UBAP1: variants seen among roughly 807,000 people sequenced by gnomAD.
UBAP1 encodes the protein ubiquitin associated protein 1.
UBAP1 carries 5 observed loss-of-function variants against 39.0 expected under a neutral mutation model. That is an observed-to-expected ratio of 0.13 (90% CI 0.07 to 0.27). The LOEUF (loss-of-function observed/expected upper bound fraction) is 0.27. UBAP1 is among the 10% of genes least tolerant of loss of function. UBAP1 has a pLI of 1.00. For synonymous variants in UBAP1, 211 were observed against 225.1 expected, an observed-to-expected ratio of 0.94 and a Z score of 0.56; for missense variants, 490 against 608.1, an observed-to-expected ratio of 0.81 and a Z score of 2.04.
chr9:34,231,054 G>A (rs1833378985), intron 2 of UBAP1, among the ~76,000 whole-genome samples: 1 of 151,562 alleles, frequency 6.6e-6, no homozygotes, highest in African/African-American at 2.4e-5. Flanking sequence ...TTGGGACCCA[G>A]AGGGCAAGGA....
chr9:34,193,682 A>C (rs571039078), intron 1 of UBAP1, among the ~76,000 whole-genome samples: 1 of 152,306 alleles, frequency 6.6e-6, no homozygotes, highest in South Asian at 2.1e-4. Flanking sequence ...AGAATCTTAC[A>C]AAGGATATAG....
intron 1 of UBAP1, among the ~76,000 whole-genome samples, chr9:34,197,199 T>G (rs1002201934): frequency 4.6e-5 from 7 of 151,942 alleles, no homozygotes; most frequent in African/African-American, 1.7e-4. Flanking sequence ...GTGCTGGAAT[T>G]ACAGATGTGA....
In UBAP1 at chr9:34,181,136, G is replaced by T. The variant is rs1467362429; in HGVS notation, c.-8+1896G>T. 6.5e-4 allele frequency among the ~76,000 whole-genome samples: 6 copies of T among 9,232 alleles called. 1 individual carries two copies. The highest frequency in any genetic ancestry group is 0.013 in the East Asian group (1 of 78). The allele number at this position is 9,232 out of a possible 152,430, so 6.1% of individuals were successfully genotyped here. On this transcript the variant is annotated intron_variant, in intron 1 of 6. Coordinates refer to ENST00000297661, the MANE Select transcript of UBAP1 (RefSeq NM_016525.5). The stretch of plus-strand genomic sequence containing the variant: ...GTTTTCTTTTTTTTTTTTTTTTTGA[G>T]ACAGAGTTTCGCTCTGTGCCCAGGC...
intron 1 of UBAP1, among the ~76,000 whole-genome samples, chr9:34,204,319 AGTATT>A (rs1831564833): frequency 6.6e-6 from 1 of 152,234 alleles, no homozygotes; most frequent in African/African-American, 2.4e-5. Flanking sequence ...CTGACCAGTT[AGTATT>A]GTATTAGTTA....
chr9:34,189,679 C>T (rs1400427190), intron 1 of UBAP1, among the ~76,000 whole-genome samples: 1 of 151,680 alleles, frequency 6.6e-6, no homozygotes, highest in Non-Finnish European at 1.5e-5. Flanking sequence ...TCTTGTTGCC[C>T]AGGCTGGAGT....
chr9:34,236,338 G>A (rs1378531307), intron 3 of UBAP1, among the ~76,000 whole-genome samples: 1 of 152,220 alleles, frequency 6.6e-6, no homozygotes, highest in African/African-American at 2.4e-5. Flanking sequence ...TAGCCTAGGT[G>A]TATAGCAGGC....
intron 1 of UBAP1, among the ~76,000 whole-genome samples, chr9:34,193,546 G>A (rs1009147255): frequency 6.6e-6 from 1 of 152,068 alleles, no homozygotes; most frequent in Non-Finnish European, 1.5e-5. Flanking sequence ...CATGTCTGGG[G>A]CCCTGGATCT....
intron 2 of UBAP1, among the ~76,000 whole-genome samples, chr9:34,224,959 C>G (rs1028189614): frequency 1.3e-5 from 2 of 152,150 alleles, no homozygotes; most frequent in African/African-American, 4.8e-5. Flanking sequence ...CTATAAATGG[C>G]CACCCCAGTT....
chr9:34,187,334 G>T (rs1484405678), intron 1 of UBAP1, among the ~76,000 whole-genome samples: 3 of 152,118 alleles, frequency 2.0e-5, no homozygotes, highest in Non-Finnish European at 4.4e-5. Flanking sequence ...TCCAATATTT[G>T]CTTGATTACA....
intron 2 of UBAP1, among the ~76,000 whole-genome samples, chr9:34,221,527 T>TA (rs34279455): frequency 2.2e-3 from 288 of 131,394 alleles, no homozygotes; most frequent in Middle Eastern, 0.012. Context: ...GAGACTCCAT[T>TA]AAAAAAAAAA....
intron 3 of UBAP1, among the ~76,000 whole-genome samples, chr9:34,236,456 T>C (rs1833706529): frequency 6.6e-6 from 1 of 152,220 alleles, no homozygotes; most frequent in African/African-American, 2.4e-5. Context: ...ATCTTATTTT[T>C]GTTTCTTATA....
chr9:34,199,609 C>T (rs1831250427), intron 1 of UBAP1, among the ~76,000 whole-genome samples: 1 of 146,990 alleles, frequency 6.8e-6, no homozygotes, highest in African/African-American at 2.4e-5. Context: ...TAGATTTCCC[C>T]TGTTTTTCTT....
chr9:34,184,691 C>T (rs1461563769), intron 1 of UBAP1, among the ~76,000 whole-genome samples: 3 of 149,682 alleles, frequency 2.0e-5, no homozygotes, highest in East Asian at 2.1e-4. Flanking sequence ...GGCACAATCT[C>T]GGCTCACTGT....
intron 2 of UBAP1, among the ~76,000 whole-genome samples, chr9:34,232,838 A>G (rs1833499019): frequency 6.6e-6 from 1 of 152,244 alleles, no homozygotes; most frequent in Non-Finnish European, 1.5e-5. Context: ...GTTGAAAAAC[A>G]AAATTTATTT....
At chr9:34,238,610 G>A (rs772000830) in intron 3 of UBAP1, among the ~76,000 whole-genome samples, 2 of 152,084 alleles carry the variant, frequency 1.3e-5, no homozygotes, top group African/African-American at 2.4e-5. Flanking sequence ...ATGTCTAATG[G>A]TGTCAAGCAT....
At chr9:34,207,800 A>G (rs1255989770) in intron 1 of UBAP1, among the ~76,000 whole-genome samples, 1 of 151,830 alleles carries the variant, frequency 6.6e-6, no homozygotes, top group Non-Finnish European at 1.5e-5. Context: ...TCAGAGTATT[A>G]ATTTGTTTCA....
At chr9:34,243,353 A>G (rs544147952) in intron 4 of UBAP1, among the ~76,000 whole-genome samples, 2 of 152,264 alleles carry the variant, frequency 1.3e-5, no homozygotes, top group East Asian at 3.9e-4. Context: ...TCATTCTTTG[A>G]CCAGCCTGAT....
At chr9:34,190,633 C>CT (rs563281159) in intron 1 of UBAP1, among the ~76,000 whole-genome samples, 4,959 of 129,436 alleles carry the variant, frequency 0.038, 217 homozygotes, top group East Asian at 0.14. Flanking sequence ...TTCTTTCTTT[C>CT]TTTTTTTTTT....
At chr9:34,186,334 CA>C (rs1262006794) in intron 1 of UBAP1, among the ~76,000 whole-genome samples, 10 of 152,064 alleles carry the variant, frequency 6.6e-5, no homozygotes, top group African/African-American at 2.4e-4. Context: ...CATTAAGGGC[CA>C]AAATTTGTAT....
Sources: gnomAD v4.1 joint callset for allele counts (sites outside exome capture counted in the v4.1 genomes callset) on GRCh38, gnomAD v4.1.1 for gene constraint, MANE v1.5 for transcripts, NCBI Gene and HGNC (gene_info 2026-07-23, HGNC 2026-07-21) for gene names.